GLIS3: variants seen among roughly 807,000 people sequenced by gnomAD.
GLIS3 encodes GLIS family zinc finger 3, also known as zinc finger protein GLIS3.
In GLIS3, 53 loss-of-function variants were observed where a neutral mutation model predicts 78.6. The observed-to-expected ratio is 0.67, with a 90% confidence interval of 0.54 to 0.85. GLIS3 has a LOEUF of 0.85. Among genes scored for constraint, GLIS3 ranks in the 40% least tolerant of loss-of-function variants. The probability of loss-of-function intolerance (pLI) is 0.00; values close to 1 mark genes in which losing one functional copy is unlikely to be tolerated. For missense variants in GLIS3, 1,703 were observed against 1,231.1 expected (o/e 1.38, Z -5.74); for synonymous variants, 684 against 509.9 (o/e 1.34, Z -4.60).
chr9:4,155,257 T>C (rs1320167740), intron 2 of GLIS3, among the ~76,000 whole-genome samples: 1 of 152,206 alleles, frequency 6.6e-6, no homozygotes, highest in Admixed American at 6.5e-5. Flanking sequence ...ACTGGATCAC[T>C]GCCAAAAGAT....
intron 4 of GLIS3, among the ~76,000 whole-genome samples, chr9:4,008,331 A>G (rs56291640): frequency 6.6e-6 from 1 of 152,242 alleles, no homozygotes; most frequent in Non-Finnish European, 1.5e-5. Flanking sequence ...AGGCTCAGAA[A>G]TATCCATCAG....
chr9:4,044,821 G>A (rs1204051003), intron 4 of GLIS3, among the ~76,000 whole-genome samples: 2 of 152,094 alleles, frequency 1.3e-5, no homozygotes, highest in Non-Finnish European at 2.9e-5. Flanking sequence ...TTTATCTTTG[G>A]GCAGATCCAT....
intron 2 of GLIS3, among the ~76,000 whole-genome samples, chr9:4,136,099 A>C (rs1833388595): frequency 1.3e-5 from 2 of 152,208 alleles, no homozygotes; most frequent in African/African-American, 4.8e-5. Context: ...CGAATTTGGC[A>C]ATTGTGACAA....
chr9:4,123,316 C>T (rs1296305063), intron 3 of GLIS3, among the ~76,000 whole-genome samples: 6 of 152,070 alleles, frequency 3.9e-5, no homozygotes, highest in Non-Finnish European at 8.8e-5. Flanking sequence ...TCTTGGACTG[C>T]TGGTTAGTTT....
chr9:4,331,607 T>A (rs1011731609), intron 2 of GLIS3, among the ~76,000 whole-genome samples: 1 of 152,214 alleles, frequency 6.6e-6, no homozygotes, highest in African/African-American at 2.4e-5. Flanking sequence ...GAGCCTGTAC[T>A]TGAGCGACAG....
chr9:4,355,876 G>A, the GLIS3 span, among the ~76,000 whole-genome samples: 5 of 152,280 alleles, frequency 3.3e-5, no homozygotes, highest in African/African-American at 9.6e-5. Flanking sequence ...GGGCATGTGG[G>A]AAAGTCCTGG....
chr9:4,467,373 C>T, the GLIS3 span, among the ~76,000 whole-genome samples: 2 of 152,206 alleles, frequency 1.3e-5, no homozygotes, highest in Non-Finnish European at 2.9e-5. Context: ...AACTAGGAGA[C>T]ACCTCCCAGT....
At chr9:3,906,632 G>C (rs929345137) in intron 6 of GLIS3, among the ~76,000 whole-genome samples, 3 of 152,084 alleles carry the variant, frequency 2.0e-5, no homozygotes, top group Non-Finnish European at 2.9e-5. Context: ...GAGCACGATG[G>C]GGCCGGACCA....
intron 2 of GLIS3, among the ~76,000 whole-genome samples, chr9:4,334,288 CCTT>C (rs749968331): frequency 4.6e-4 from 70 of 152,158 alleles, no homozygotes; most frequent in Non-Finnish European, 9.0e-4. Context: ...AACATTCAGT[CCTT>C]CTACAAATTA....
At chr9:4,254,861 A>G (rs1824765048) in intron 2 of GLIS3, among the ~76,000 whole-genome samples, 1 of 152,066 alleles carries the variant, frequency 6.6e-6, no homozygotes, top group Non-Finnish European at 1.5e-5. Context: ...AAAAAGAAAA[A>G]AAGATAAACT....
chr9:4,365,555 CAAAAAAAAAGAA>C, the GLIS3 span, among the ~76,000 whole-genome samples: 3 of 145,380 alleles, frequency 2.1e-5, no homozygotes, highest in African/African-American at 7.8e-5. Flanking sequence ...GACTCCATCT[CAAAAAAAAAGAA>C]AAAAGAAAAG....
chr9:4,161,576 C>G (rs1357894321), intron 2 of GLIS3, among the ~76,000 whole-genome samples: 1 of 151,534 alleles, frequency 6.6e-6, no homozygotes, highest in African/African-American at 2.4e-5. Context: ...ACTTCACTTG[C>G]TGTATTAGTT....
chr9:3,994,901 GA>G (rs113245205), intron 4 of GLIS3, among the ~76,000 whole-genome samples: 10,280 of 152,168 alleles, frequency 0.068, 1,076 homozygotes, highest in African/African-American at 0.22. Context: ...TCAGAGGCCA[GA>G]AAACAAGCAA....
intron 2 of GLIS3, among the ~76,000 whole-genome samples, chr9:4,128,388 T>G (rs1246389189): frequency 6.6e-6 from 1 of 152,270 alleles, no homozygotes; most frequent in East Asian, 1.9e-4. Flanking sequence ...ACTTCACTGC[T>G]GTTTAAAGAC....
intron 6 of GLIS3, among the ~76,000 whole-genome samples, chr9:3,916,603 T>C (rs1211320068): frequency 6.6e-6 from 1 of 152,260 alleles, no homozygotes; most frequent in Non-Finnish European, 1.5e-5. Flanking sequence ...ATTGCAGCGC[T>C]GCATGGTGCC....
At chr9:4,174,110 G>C (rs981540555) in intron 2 of GLIS3, among the ~76,000 whole-genome samples, 2 of 152,202 alleles carry the variant, frequency 1.3e-5, no homozygotes, top group African/African-American at 4.8e-5. Context: ...TTTTGCAGCA[G>C]AGACCTCACT....
At chr9:4,225,937 G>A (rs892053352) in intron 2 of GLIS3, among the ~76,000 whole-genome samples, 1 of 152,196 alleles carries the variant, frequency 6.6e-6, no homozygotes. Flanking sequence ...TTCTATGAGT[G>A]CAAGAACACT....
the GLIS3 span, among the ~76,000 whole-genome samples, chr9:4,380,220 T>A: frequency 2.0e-5 from 3 of 152,248 alleles, no homozygotes; most frequent in East Asian, 5.8e-4. Context: ...TAAATTTGCC[T>A]TCTTGCCTGC....
chr9:4,414,114 G>T, the GLIS3 span, among the ~76,000 whole-genome samples: 1 of 152,090 alleles, frequency 6.6e-6, no homozygotes, highest in African/African-American at 2.4e-5. Context: ...AAATCAAGAT[G>T]ATCCCCAGCC....
Sources: gnomAD v4.1 joint callset for allele counts (sites outside exome capture counted in the v4.1 genomes callset) on GRCh38, gnomAD v4.1.1 for gene constraint, MANE v1.5 for transcripts, NCBI Gene and HGNC (gene_info 2026-07-23, HGNC 2026-07-21) for gene names.